The following RANBP17 variants were observed in gnomAD, a reference collection of about 807,000 sequenced individuals.
The protein encoded by RANBP17 is RAN binding protein 17, also known as ran-binding protein 17.
In RANBP17, 158 loss-of-function variants were observed where a neutral mutation model predicts 141.2. That is an observed-to-expected ratio of 1.12 (90% CI 0.98 to 1.28). The LOEUF is 1.28. RANBP17 is among the 50% of genes most tolerant of loss of function. The probability of loss-of-function intolerance (pLI) is 0.00; values close to 1 mark genes in which losing one functional copy is unlikely to be tolerated. For synonymous variants in RANBP17, 430 were observed against 450.0 expected, an observed-to-expected ratio of 0.96 and a Z score of 0.56; for missense variants, 1,438 against 1,290.7, an observed-to-expected ratio of 1.11 and a Z score of -1.75.
chr5:171,006,297 G>A (rs542523773), intron 14 of RANBP17, among the ~76,000 whole-genome samples: 30 of 152,268 alleles, frequency 2.0e-4, no homozygotes, highest in Admixed American at 7.8e-4. Context: ...ACATGCACAC[G>A]TATGTTCATT....
chr5:171,175,505 A>G (rs994950343), intron 16 of RANBP17, among the ~76,000 whole-genome samples: 1 of 152,198 alleles, frequency 6.6e-6, no homozygotes, highest in Admixed American at 6.5e-5. Flanking sequence ...GGCAGCCTAC[A>G]GAATGGGAGA....
intron 14 of RANBP17, among the ~76,000 whole-genome samples, chr5:171,141,490 C>T (rs1453508705): frequency 2.0e-5 from 3 of 150,482 alleles, no homozygotes; most frequent in Non-Finnish European, 4.4e-5. Flanking sequence ...ACCTGTAGCG[C>T]CAGCTTCTGG....
intron 13 of RANBP17, among the ~76,000 whole-genome samples, chr5:170,963,419 G>T (rs924855303): frequency 3.3e-5 from 5 of 152,080 alleles, no homozygotes; most frequent in African/African-American, 1.2e-4. Flanking sequence ...ATCCATGAAA[G>T]AAAAAATTGA....
At chr5:171,156,719 G>A (rs150796881) in intron 14 of RANBP17, among the ~76,000 whole-genome samples, 87 of 152,248 alleles carry the variant, frequency 5.7e-4, no homozygotes, top group African/African-American at 2.1e-3. Flanking sequence ...CCGCACTGCA[G>A]TAATAAATAA....
At chr5:171,241,843 A>G (rs903002174) in intron 23 of RANBP17, among the ~76,000 whole-genome samples, 5 of 152,228 alleles carry the variant, frequency 3.3e-5, no homozygotes, top group Non-Finnish European at 5.9e-5. Context: ...TGTTAAAAAT[A>G]TACATTTCAG....
At chr5:170,887,777 G>A (rs923159438) in intron 3 of RANBP17, among the ~76,000 whole-genome samples, 3 of 152,080 alleles carry the variant, frequency 2.0e-5, no homozygotes, top group African/African-American at 7.2e-5. Flanking sequence ...AAGATCAAGG[G>A]GCTGGCATCT....
chr5:171,083,288 A>G (rs914806781), intron 14 of RANBP17, among the ~76,000 whole-genome samples: 1 of 152,166 alleles, frequency 6.6e-6, no homozygotes, highest in Non-Finnish European at 1.5e-5. Flanking sequence ...CATGAAAGAC[A>G]TAAGTGCCCT....
intron 24 of RANBP17, chr5:171,252,707 T>C: frequency 6.9e-7 from 1 of 1,455,316 alleles, no homozygotes; most frequent in Non-Finnish European, 9.6e-7. Context: ...CCAGACAGAA[T>C]GTACAGCCTT....
chr5:171,259,605 G>T (rs185493647), intron 24 of RANBP17, among the ~76,000 whole-genome samples: 1 of 152,304 alleles, frequency 6.6e-6, no homozygotes, highest in Admixed American at 6.5e-5. Context: ...AATAAACCAG[G>T]CAAAGAAAGA....
At chr5:171,291,434 G>A (rs1220677459) in intron 25 of RANBP17, among the ~76,000 whole-genome samples, 1 of 152,206 alleles carries the variant, frequency 6.6e-6, no homozygotes, top group East Asian at 1.9e-4. Context: ...TATTGGAAGT[G>A]AGCAGAAGTT....
intron 14 of RANBP17, among the ~76,000 whole-genome samples, chr5:171,154,109 T>G (rs2127839495): frequency 6.6e-6 from 1 of 151,374 alleles, no homozygotes; most frequent in South Asian, 2.1e-4. Flanking sequence ...TTTTTTTTTT[T>G]TTTTTTTTTT....
At chr5:171,007,861 A>G (rs1159314204) in intron 14 of RANBP17, among the ~76,000 whole-genome samples, 1 of 152,012 alleles carries the variant, frequency 6.6e-6, no homozygotes, top group African/African-American at 2.4e-5. Flanking sequence ...AAGAAGGAGG[A>G]ATGGAGGGTG....
At chr5:171,142,365 A>G (rs1007964795) in intron 14 of RANBP17, among the ~76,000 whole-genome samples, 6 of 152,244 alleles carry the variant, frequency 3.9e-5, no homozygotes, top group African/African-American at 1.4e-4. Context: ...ATACAGCTCT[A>G]GATCCCTAAC....
chr5:171,018,746 A>C (rs1780630407), intron 14 of RANBP17, among the ~76,000 whole-genome samples: 1 of 152,114 alleles, frequency 6.6e-6, no homozygotes, highest in Non-Finnish European at 1.5e-5. Flanking sequence ...AATACCCTTT[A>C]TTTCTTTCCC....
At chr5:170,976,253 G>C (rs1200309858) in intron 14 of RANBP17, among the ~76,000 whole-genome samples, 1 of 152,000 alleles carries the variant, frequency 6.6e-6, no homozygotes, top group African/African-American at 2.4e-5. Context: ...AATAGAATCA[G>C]AAAGAATTAA....
At chr5:171,075,322 C>G (rs1389739652) in intron 14 of RANBP17, among the ~76,000 whole-genome samples, 1 of 151,778 alleles carries the variant, frequency 6.6e-6, no homozygotes, top group African/African-American at 2.4e-5. Context: ...TATAAAAGAC[C>G]ATATCTTCTT....
At chr5:171,287,490 CAAAA>C (rs1188089542) in intron 25 of RANBP17, among the ~76,000 whole-genome samples, 1 of 117,516 alleles carries the variant, frequency 8.5e-6, no homozygotes, top group East Asian at 2.4e-4. Context: ...AACTCCATCT[CAAAA>C]AAAAAAAAAA....
intron 14 of RANBP17, among the ~76,000 whole-genome samples, chr5:171,102,817 G>A (rs1787266961): frequency 6.6e-6 from 1 of 151,662 alleles, no homozygotes; most frequent in South Asian, 2.1e-4. Flanking sequence ...TGATGCTATT[G>A]CTTTCTGTTT....
At chr5:171,271,982 CAT>C (rs1173666074) in intron 25 of RANBP17, among the ~76,000 whole-genome samples, 1 of 152,126 alleles carries the variant, frequency 6.6e-6, no homozygotes. Context: ...AAATGTGGTA[CAT>C]ATATACACCA....
Sources: allele counts gnomAD v4.1 joint callset (sites outside exome capture counted in the v4.1 genomes callset), GRCh38; gene constraint gnomAD v4.1.1; transcripts MANE v1.5; gene names NCBI Gene and HGNC (gene_info 2026-07-23, HGNC 2026-07-21).